The following ZNF567 variants were observed in gnomAD, a reference collection of about 807,000 sequenced individuals.
ZNF567 encodes zinc finger protein 567.
ZNF567 carries 36 observed loss-of-function variants against 53.9 expected under a neutral mutation model. That is an observed-to-expected ratio of 0.67 (90% CI 0.51 to 0.88). The LOEUF is 0.88. Among genes scored for constraint, ZNF567 ranks in the 40% least tolerant of loss-of-function variants. The pLI, the probability that ZNF567 is intolerant of heterozygous loss-of-function variation, is 0.00. For missense variants in ZNF567, 619 were observed against 764.7 expected (o/e 0.81, Z 2.25); for synonymous variants, 224 against 260.4 (o/e 0.86, Z 1.35).
In ZNF567 at chr19:36,707,151, CT is replaced by C. The variant is rs368942989; in HGVS notation, c.10-5226del. Reference sequence around the variant, plus strand: ...TTCCTATTTTTTCCAATTATGTTTTCTTTTTTTTTAGATTGAGAAATTTTTT... The same window carrying C: ...TTCCTATTTTTTCCAATTATGTTTTCTTTTTTTTAGATTGAGAAATTTTTT... On this transcript the variant is annotated intron_variant, in intron 3 of 5. Coordinates refer to ENST00000682579, the MANE Select transcript of ZNF567 (RefSeq NM_001322917.1). Among the ~76,000 whole-genome samples the C allele has an allele frequency of 3.4e-3, 505 of 150,440 alleles. 2 individuals are homozygous for C. Among genetic ancestry groups the C allele is most frequent in the African/African-American group, 0.012 (481 of 41,024 alleles).
At chr19:36,676,182 C>T in the ZNF567 span, among the ~76,000 whole-genome samples, 5 of 146,846 alleles carry the variant, frequency 3.4e-5, no homozygotes, top group South Asian at 9.0e-4. Flanking sequence ...TATCCTGCCT[C>T]AGCCTCCCGA....
At chr19:36,707,593 T>C (rs2039562128) in intron 3 of ZNF567, among the ~76,000 whole-genome samples, 1 of 152,196 alleles carries the variant, frequency 6.6e-6, no homozygotes, top group South Asian at 2.1e-4. Context: ...GTTGTTGTTG[T>C]TGAAACGGAG....
chr19:36,688,231 G>C (rs2145502208), intron 1 of ZNF567, among the ~76,000 whole-genome samples: 1 of 152,268 alleles, frequency 6.6e-6, no homozygotes, highest in African/African-American at 2.4e-5. Context: ...ATGGGATTAT[G>C]ACTATGTAGT....
At chr19:36,715,491 AATAATAATAATAATAATAATTATTATT>A (rs2040002403) in intron 5 of ZNF567, among the ~76,000 whole-genome samples, 1 of 64,440 alleles carries the variant, frequency 1.6e-5, no homozygotes, top group Non-Finnish European at 2.7e-5. Flanking sequence ...TAATAATAAT[AATAATAATAATAATAATAATTATTATT>A]ATTATTATTA....
At chr19:36,667,664 T>G in the ZNF567 span, among the ~76,000 whole-genome samples, 10 of 149,978 alleles carry the variant, frequency 6.7e-5, no homozygotes, top group Admixed American at 6.6e-4. Flanking sequence ...TTCTTTTTTT[T>G]TTTTTGAGAC....
chr19:36,691,631 C>G (rs1207582815), intron 2 of ZNF567, among the ~76,000 whole-genome samples: 1 of 152,108 alleles, frequency 6.6e-6, no homozygotes, highest in Non-Finnish European at 1.5e-5. Context: ...AAAACAAAAA[C>G]AGAACACTTC....
chr19:36,698,121 G>A (rs1205177335), intron 3 of ZNF567, among the ~76,000 whole-genome samples: 1 of 151,756 alleles, frequency 6.6e-6, no homozygotes. Context: ...TCCCCTTCCT[G>A]TGTCCATGTG....
In ZNF567 at chr19:36,719,823, T is replaced by C. The variant is rs1352213623; in HGVS notation, c.1099T>C (p.Cys367Arg). Residue 367 changes from cysteine to arginine, a missense_variant, in exon 6 of 6, where the codon TGT becomes CGT. Physicochemically the swap from Cys to Arg is radical, Grantham distance 180. Coordinates refer to ENST00000682579, the MANE Select transcript of ZNF567 (RefSeq NM_001322917.1). ...RTHTGEKPYE[C>R]NDCGKSFRQK... The stretch of plus-strand genomic sequence containing the variant: ...TCACACGGGAGAGAAACCATATGAG[T>C]GTAATGACTGTGGGAAGTCCTTCCG... 1 of 1,614,120 alleles carries C rather than the reference T, an allele frequency of 6.2e-7. No individual in the cohort carries two copies.
chr19:36,678,336 G>A, the ZNF567 span, among the ~76,000 whole-genome samples: 1 of 152,136 alleles, frequency 6.6e-6, no homozygotes, highest in Non-Finnish European at 1.5e-5. Flanking sequence ...CAGTTTTAAG[G>A]AGGGAAGGAT....
downstream of ZNF567, among the ~76,000 whole-genome samples, chr19:36,722,259 A>G (rs1352942419): frequency 6.6e-6 from 1 of 152,172 alleles, no homozygotes; most frequent in African/African-American, 2.4e-5. Context: ...AGTATTTACT[A>G]TGTATATGAA....
At chr19:36,705,646 T>C (rs939406045) in intron 3 of ZNF567, among the ~76,000 whole-genome samples, 1 of 152,212 alleles carries the variant, frequency 6.6e-6, no homozygotes, top group Non-Finnish European at 1.5e-5. Flanking sequence ...CATATTCTGA[T>C]GTTATTGGGT....
intron 3 of ZNF567, among the ~76,000 whole-genome samples, chr19:36,695,800 AT>A (rs556008322): frequency 1.4e-4 from 21 of 152,194 alleles, no homozygotes; most frequent in Non-Finnish European, 2.9e-4. Context: ...CTAAATGAAA[AT>A]GTATTACTGA....
the ZNF567 span, chr19:36,669,250 C>T: frequency 6.6e-6 from 1 of 152,026 alleles, no homozygotes; most frequent in African/African-American, 2.4e-5. Context: ...GCTCAAGTCT[C>T]TGGATGAATT....
downstream of ZNF567, among the ~76,000 whole-genome samples, chr19:36,726,283 CTT>C (rs1194608951): frequency 6.6e-6 from 1 of 152,100 alleles, no homozygotes; most frequent in East Asian, 1.9e-4. Context: ...TCATGCTCGT[CTT>C]TTTTCATTTG....
At chr19:36,688,064 G>C (rs2038355062) in intron 1 of ZNF567, among the ~76,000 whole-genome samples, 1 of 151,808 alleles carries the variant, frequency 6.6e-6, no homozygotes, top group Non-Finnish European at 1.5e-5. Context: ...AAGTGATAGG[G>C]TCCCTGCGTG....
chr19:36,684,034 C>T (rs2038226129), upstream of ZNF567, among the ~76,000 whole-genome samples: 1 of 151,960 alleles, frequency 6.6e-6, no homozygotes, highest in Non-Finnish European at 1.5e-5. Context: ...TTCACATGTG[C>T]ACAGAAAAGG....
At chr19:36,715,506 A>ATTATTATTATT (rs1568711494) in intron 5 of ZNF567, among the ~76,000 whole-genome samples, 3 of 25,960 alleles carry the variant, frequency 1.2e-4, no homozygotes, top group African/African-American at 2.5e-4. Context: ...TAATAATAAT[A>ATTATTATTATT]ATAATTATTA....
chr19:36,671,588 C>T, the ZNF567 span, among the ~76,000 whole-genome samples: 1 of 152,202 alleles, frequency 6.6e-6, no homozygotes, highest in African/African-American at 2.4e-5. Context: ...CTAATGGTGC[C>T]TCAAGTGTCA....
At chr19:36,726,405 C>T (rs1179097821), downstream of ZNF567, among the ~76,000 whole-genome samples, 1 of 152,164 alleles carries the variant, frequency 6.6e-6, no homozygotes, top group African/African-American at 2.4e-5. Flanking sequence ...TGATACCACC[C>T]TGGCATGGGG....
Sources: gnomAD v4.1 joint callset for allele counts (sites outside exome capture counted in the v4.1 genomes callset) on GRCh38, gnomAD v4.1.1 for gene constraint, MANE v1.5 for transcripts, NCBI Gene and HGNC (gene_info 2026-07-23, HGNC 2026-07-21) for gene names.